EYA2: variants seen among roughly 807,000 people sequenced by gnomAD.
EYA2 encodes the protein EYA transcriptional coactivator and phosphatase 2, also known as protein phosphatase EYA2.
In EYA2, 31 loss-of-function variants were observed where a neutral mutation model predicts 69.2. The observed-to-expected ratio is 0.45, with a 90% CI of 0.34 to 0.60. The LOEUF (loss-of-function observed/expected upper bound fraction) is 0.60, where lower values mean the gene tolerates loss of function less well. Ranked by LOEUF, EYA2 falls within the 20% of genes least tolerant of loss-of-function variation. The pLI is 0.02. For missense variants in EYA2, 622 were observed against 701.2 expected, an observed-to-expected ratio of 0.89 and a Z score of 1.28; for synonymous variants, 257 against 279.4, an observed-to-expected ratio of 0.92 and a Z score of 0.80.
chr20:46,963,942 T>A (rs1979633064), intron 1 of EYA2, among the ~76,000 whole-genome samples: 1 of 152,224 alleles, frequency 6.6e-6, no homozygotes, highest in African/African-American at 2.4e-5. Flanking sequence ...AGGCTTCGGG[T>A]CCTTGGTCTT....
intron 8 of EYA2, among the ~76,000 whole-genome samples, chr20:47,090,989 G>C (rs1324430302): frequency 1.3e-5 from 2 of 152,074 alleles, no homozygotes; most frequent in Non-Finnish European, 2.9e-5. Context: ...AGTGTGCTAG[G>C]TGTCTCGGTA....
intron 14 of EYA2, 80 bp from the exon 15 acceptor site, chr20:47,183,211 C>T (rs541770841): frequency 1.7e-5 from 23 of 1,343,708 alleles, no homozygotes; most frequent in Admixed American, 5.7e-5. Flanking sequence ...CTGCAGGCAC[C>T]AAGCTCTTAA....
At chr20:46,912,982 G>A (rs534308109) in intron 1 of EYA2, among the ~76,000 whole-genome samples, 2 of 151,646 alleles carry the variant, frequency 1.3e-5, no homozygotes, top group Admixed American at 6.6e-5. Context: ...TTACAGGCGT[G>A]AGCCACCGCG....
At chr20:47,035,997 T>C (rs1373339436) in intron 5 of EYA2, among the ~76,000 whole-genome samples, 2 of 151,964 alleles carry the variant, frequency 1.3e-5, no homozygotes, top group East Asian at 3.9e-4. Flanking sequence ...GGTGACAGAG[T>C]AAGACCCTAT....
intron 4 of EYA2, among the ~76,000 whole-genome samples, chr20:47,011,540 G>T (rs1983056758): frequency 6.6e-6 from 1 of 152,020 alleles, no homozygotes; most frequent in Non-Finnish European, 1.5e-5. Flanking sequence ...CAGCCTCACT[G>T]GCCTCCTTGC....
At chr20:47,023,183 TG>T (rs1456480771) in intron 5 of EYA2, among the ~76,000 whole-genome samples, 1 of 152,238 alleles carries the variant, frequency 6.6e-6, no homozygotes, top group African/African-American at 2.4e-5. Context: ...AATAATTTCG[TG>T]GGAACCCACC....
chr20:46,914,164 A>C (rs1056248652), intron 1 of EYA2, among the ~76,000 whole-genome samples: 4 of 152,216 alleles, frequency 2.6e-5, no homozygotes, highest in Non-Finnish European at 5.9e-5. Context: ...CTGGACACAC[A>C]TCAGGTCTGC....
intron 1 of EYA2, among the ~76,000 whole-genome samples, chr20:46,987,916 G>GAC (rs56288405): frequency 0.2 from 3,994 of 20,206 alleles, 1,448 homozygotes; most frequent in Middle Eastern, 0.33. Flanking sequence ...GACAGAGTAA[G>GAC]TCTCTCTCTC....
chr20:47,172,123 A>T (rs371981610), intron 11 of EYA2, among the ~76,000 whole-genome samples: 3 of 151,534 alleles, frequency 2.0e-5, no homozygotes, highest in South Asian at 2.1e-4. Flanking sequence ...AAAATAAAAA[A>T]AATAAAAAAA....
At chr20:46,909,772 C>G (rs898507402) in intron 1 of EYA2, among the ~76,000 whole-genome samples, 1 of 152,180 alleles carries the variant, frequency 6.6e-6, no homozygotes, top group African/African-American at 2.4e-5. Context: ...TGTGGGTGGA[C>G]TGGTTCCTTA....
chr20:47,078,325 GCGCGCGCACACACACACACA>G (rs2031592879), intron 7 of EYA2, among the ~76,000 whole-genome samples: 1 of 105,344 alleles, frequency 9.5e-6, no homozygotes, highest in Non-Finnish European at 1.9e-5. Flanking sequence ...ACGTGCGCGC[GCGCGCGCACACACACACACA>G]CACACACACA....
intron 9 of EYA2, among the ~76,000 whole-genome samples, chr20:47,131,837 G>A (rs1434758476): frequency 6.6e-6 from 1 of 152,220 alleles, no homozygotes; most frequent in African/African-American, 2.4e-5. Context: ...GTGCTAATGT[G>A]TTATGGCAGC....
intron 5 of EYA2, among the ~76,000 whole-genome samples, chr20:47,059,175 G>C (rs1173514669): frequency 6.6e-6 from 1 of 152,144 alleles, no homozygotes; most frequent in African/African-American, 2.4e-5. Context: ...GATGGTGAGC[G>C]GGGAGGGACC....
chr20:47,188,025 A>C (rs1336388276), intron 15 of EYA2, 28 bp from the exon 16 acceptor site: 4 of 1,556,412 alleles, frequency 2.6e-6, no homozygotes, highest in Non-Finnish European at 3.5e-6. Context: ...CGGGGCCATA[A>C]CCTTGTGGCT....
chr20:46,971,080 TACACAC>T (rs148380754), intron 1 of EYA2, among the ~76,000 whole-genome samples: 2 of 147,176 alleles, frequency 1.4e-5, no homozygotes, highest in Non-Finnish European at 3.0e-5. Context: ...ATAAAGTTGC[TACACAC>T]ACACACACAC....
At chr20:47,055,741 C>T (rs907869736) in intron 5 of EYA2, among the ~76,000 whole-genome samples, 2 of 152,212 alleles carry the variant, frequency 1.3e-5, no homozygotes, top group Admixed American at 6.5e-5. Flanking sequence ...GCAAATGCCA[C>T]CTCCTCTAAG....
chr20:47,036,854 A>C (rs1041619762), intron 5 of EYA2, among the ~76,000 whole-genome samples: 1 of 152,194 alleles, frequency 6.6e-6, no homozygotes, highest in Non-Finnish European at 1.5e-5. Flanking sequence ...GTTATCAACT[A>C]TGTGACAGGC....
At chr20:46,977,061 A>G (rs975859977) in intron 1 of EYA2, among the ~76,000 whole-genome samples, 2 of 152,240 alleles carry the variant, frequency 1.3e-5, no homozygotes, top group African/African-American at 2.4e-5. Context: ...AAGGTATTTT[A>G]TTATTAGAGT....
chr20:47,159,589 G>A (rs1305975747), intron 10 of EYA2, among the ~76,000 whole-genome samples: 4 of 152,056 alleles, frequency 2.6e-5, no homozygotes, highest in Non-Finnish European at 4.4e-5. Context: ...CTGCTTATTA[G>A]TTTTGACAAA....
Sources: allele counts gnomAD v4.1 joint callset (sites outside exome capture counted in the v4.1 genomes callset), GRCh38; gene constraint gnomAD v4.1.1; transcripts MANE v1.5; gene names NCBI Gene and HGNC (gene_info 2026-07-23, HGNC 2026-07-21).